ALDH7A1: variants seen among roughly 807,000 people sequenced by gnomAD.
ALDH7A1 encodes alpha-aminoadipic semialdehyde dehydrogenase.
ALDH7A1 carries 63 observed loss-of-function variants against 79.9 expected under a neutral mutation model. The observed-to-expected ratio is 0.79, with a 90% CI of 0.64 to 0.97. The LOEUF is 0.97. ALDH7A1 is among the 50% of genes least tolerant of loss of function. The pLI is 0.00. For synonymous variants in ALDH7A1, 240 were observed against 231.2 expected, an observed-to-expected ratio of 1.04 and a Z score of -0.34; for missense variants, 627 against 665.2, an observed-to-expected ratio of 0.94 and a Z score of 0.63.
At chr5:126,591,121 T>TA (rs888992014) in intron 3 of ALDH7A1, among the ~76,000 whole-genome samples, 155 of 150,918 alleles carry the variant, frequency 1.0e-3, no homozygotes, top group African/African-American at 2.9e-3. Flanking sequence ...CAATCTTTTC[T>TA]AAAAAAAAAG....
intron 8 of ALDH7A1, chr5:126,568,598 T>C: frequency 2.0e-6 from 1 of 508,934 alleles, no homozygotes; most frequent in South Asian, 2.0e-5. Flanking sequence ...TAGAGGAAGT[T>C]GTTAGGGAAG....
chr5:126,551,231 C>A (rs1749985914), intron 14 of ALDH7A1, among the ~76,000 whole-genome samples: 2 of 152,062 alleles, frequency 1.3e-5, no homozygotes, highest in Admixed American at 1.3e-4. Flanking sequence ...CCTATTAAAA[C>A]CTTTACAGTT....
intron 3 of ALDH7A1, among the ~76,000 whole-genome samples, chr5:126,590,812 A>G (rs1751528469): frequency 6.6e-6 from 1 of 151,838 alleles, no homozygotes; most frequent in Non-Finnish European, 1.5e-5. Context: ...CCAGGCCCAG[A>G]AGGCAGAGGT....
chr5:126,545,061 AACAGAAGATTTTCATG>A, intron 17 of ALDH7A1, 42 bp from the exon 18 acceptor site: 1 of 1,443,806 alleles, frequency 6.9e-7, no homozygotes, highest in Non-Finnish European at 9.8e-7. Flanking sequence ...GTACATACAT[AACAGAAGATTTTCATG>A]CCCACTTTTA....
At chr5:126,570,564 T>C (rs908095096) in intron 8 of ALDH7A1, 3 of 540,898 alleles carry the variant, frequency 5.5e-6, no homozygotes, top group African/African-American at 3.8e-5. Context: ...CCTTAACAAA[T>C]AGTACCTCTG....
chr5:126,577,393 T>C (rs1175204559), intron 5 of ALDH7A1, among the ~76,000 whole-genome samples, 182 bp from the exon 6 acceptor site: 1 of 152,194 alleles, frequency 6.6e-6, no homozygotes, highest in African/African-American at 2.4e-5. Context: ...ATTACCACAC[T>C]ACCTTGTAAA....
Position 126,544,640 on chromosome 5 carries a change from T to C in ALDH7A1, c.*325A>G, listed in dbSNP as rs55923017. On this transcript the variant is annotated 3_prime_UTR_variant, in exon 18 of 18. Transcript: ENST00000409134. The stretch of plus-strand genomic sequence containing the variant: ...TCTGTTTTCTCCTCGGTTCTGTATT[T>C]TCCCAAATTCCTACCCTGGTACGTA... 1,940 of 345,836 alleles carry C rather than the reference T, an allele frequency of 5.6e-3. 8 individuals carry two copies. The highest frequency in any genetic ancestry group is 8.6e-3 in the Non-Finnish European group (1,566 of 182,422). 21.4% of individuals were successfully genotyped at this position (345,836 alleles called of 1,614,324 possible). A position where few individuals can be genotyped will look rare whatever the true frequency, so the allele number is the denominator to read the frequency against.
chr5:126,563,542 T>A (rs112028587), intron 9 of ALDH7A1, among the ~76,000 whole-genome samples: 5 of 152,032 alleles, frequency 3.3e-5, no homozygotes, highest in Non-Finnish European at 7.4e-5. Context: ...CAGGCTGGAG[T>A]GCAGTGGCGT....
Position 126,542,348 on chromosome 5 carries a change from C to G in ALDH7A1, c.*2617G>C, listed in dbSNP as rs1749631960. Reference sequence around the variant, plus strand: ...GCCCTCTTGGTCCCTTCAGCATTTTCAGGAGACAGAATGCCACAGAGAATT... The same window carrying G: ...GCCCTCTTGGTCCCTTCAGCATTTTGAGGAGACAGAATGCCACAGAGAATT... On this transcript the variant is annotated 3_prime_UTR_variant, in exon 18 of 18. Transcript: ENST00000409134. 6.6e-6 allele frequency: 1 copy of G among 152,226 alleles called. No homozygotes were observed. The highest frequency in any genetic ancestry group is 1.5e-5 in the Non-Finnish European group (1 of 68,034). 9.4% of individuals were successfully genotyped at this position (152,226 alleles called of 1,614,324 possible). A position where few individuals can be genotyped will look rare whatever the true frequency, so the allele number is the denominator to read the frequency against.
At chr5:126,552,178 G>C (rs1159769074) in intron 13 of ALDH7A1, 41 bp from the exon 14 acceptor site, 2 of 1,536,868 alleles carry the variant, frequency 1.3e-6, no homozygotes, top group Non-Finnish European at 1.8e-6. Context: ...AAAGCATTTT[G>C]TTTTCTAGGA....
At chr5:126,577,817 T>C (rs1561664428) in intron 5 of ALDH7A1, among the ~76,000 whole-genome samples, 1 of 151,702 alleles carries the variant, frequency 6.6e-6, no homozygotes, top group African/African-American at 2.4e-5. Context: ...CCATCCACCT[T>C]GGCCTCCCAA....
chr5:126,554,640 A>C, intron 12 of ALDH7A1: 1 of 516,894 alleles, frequency 1.9e-6, no homozygotes. Flanking sequence ...AATGACATGC[A>C]AATGAGTGGG....
intron 12 of ALDH7A1, 167 bp from the exon 13 acceptor site, chr5:126,554,560 T>C: frequency 1.5e-6 from 1 of 677,780 alleles, no homozygotes; most frequent in South Asian, 1.6e-5. Context: ...AAATATTTTA[T>C]GCTTTGGAGG....
intron 14 of ALDH7A1, among the ~76,000 whole-genome samples, chr5:126,550,778 A>C (rs1466165032): frequency 6.6e-6 from 1 of 152,248 alleles, no homozygotes; most frequent in Non-Finnish European, 1.5e-5. Context: ...CCCATACGTG[A>C]AACAATGATA....
chr5:126,570,617 T>C, intron 8 of ALDH7A1, 165 bp downstream of exon 8: 3 of 730,500 alleles, frequency 4.1e-6, no homozygotes, highest in Non-Finnish European at 7.4e-6. Context: ...CAATAGGAGT[T>C]AGGCATTAAT....
At position 126,593,342 on chromosome 5, in the gene ALDH7A1, C is replaced by G. The variant is rs1430553508; in HGVS notation, c.246+9G>C. 3.5e-5 allele frequency: 57 copies of G among 1,611,566 alleles called. No homozygotes were observed. Among genetic ancestry groups the G allele is most frequent in the Non-Finnish European group, 4.6e-5 (54 of 1,179,644 alleles). ...ACACACACACACACACACACACACA[C>G]ACTCTTACCTGTCGGACTCTTGCTA... On this transcript the variant is annotated intron_variant, in intron 2 of 17. Transcript: ENST00000409134.
chr5:126,559,290 A>G lies in ALDH7A1; in HGVS notation c.958T>C (p.Phe320Leu), dbSNP rs1365449224. Reference protein sequence around the residue: ...DLSLVVPSALFAAVGTAGQRC... With the variant: ...DLSLVVPSALLAAVGTAGQRC... ...TGGCCAGCTGTTCCCACAGCAGCGA[A>G]GAGAGCTGATGGAACAACTAAGCTG... Residue 320 changes from phenylalanine (F) to leucine (L), a missense_variant, in exon 11 of 18, where the codon TTC (phenylalanine) becomes CTC (leucine). Coordinates refer to ENST00000409134, the MANE Select transcript of ALDH7A1 (RefSeq NM_001182.5). 1.9e-6 allele frequency: 3 copies of G among 1,614,104 alleles called. No homozygotes were observed. The highest frequency in any genetic ancestry group is 1.1e-5 in the South Asian group (1 of 91,086).
intron 9 of ALDH7A1, chr5:126,567,789 T>G (rs867836330): frequency 3.7e-5 from 3 of 81,806 alleles, no homozygotes; most frequent in Non-Finnish European, 6.3e-5. Context: ...TTTTTTTTCT[T>G]TTTTTTTTTT....
intron 3 of ALDH7A1, among the ~76,000 whole-genome samples, chr5:126,590,810 A>T (rs964843506): frequency 3.9e-5 from 6 of 151,942 alleles, no homozygotes; most frequent in Non-Finnish European, 7.4e-5. Flanking sequence ...TCCCAGGCCC[A>T]GAAGGCAGAG....
Sources: gnomAD v4.1 joint callset for allele counts (sites outside exome capture counted in the v4.1 genomes callset) on GRCh38, gnomAD v4.1.1 for gene constraint, MANE v1.5 for transcripts, NCBI Gene and HGNC (gene_info 2026-07-23, HGNC 2026-07-21) for gene names.